KCNIP4: variants seen among roughly 807,000 people sequenced by gnomAD.
KCNIP4 encodes the protein potassium voltage-gated channel interacting protein 4.
KCNIP4 carries 12 observed loss-of-function variants against 34.0 expected under a neutral mutation model. The ratio of observed to expected loss-of-function variants is 0.35; its 90% CI spans 0.23 to 0.57. The LOEUF is 0.57. Among genes scored for constraint, KCNIP4 ranks in the 20% least tolerant of loss-of-function variants. The pLI, the probability that KCNIP4 is intolerant of heterozygous loss-of-function variation, is 0.83. For missense variants in KCNIP4, 238 were observed against 311.7 expected (o/e 0.76, Z 1.78); for synonymous variants, 124 against 102.2 (o/e 1.21, Z -1.29).
chr4:21,300,601 G>A (rs546566702), intron 1 of KCNIP4, among the ~76,000 whole-genome samples: 28 of 152,148 alleles, frequency 1.8e-4, no homozygotes, highest in Admixed American at 4.6e-4. Flanking sequence ...TTCGAGAAAC[G>A]GTATCATGAG....
intron 1 of KCNIP4, among the ~76,000 whole-genome samples, chr4:21,869,247 A>G (rs542026665): frequency 6.6e-6 from 1 of 152,090 alleles, no homozygotes; most frequent in South Asian, 2.1e-4. Context: ...TCTGTACACC[A>G]TCCTGTGGTC....
intron 1 of KCNIP4, among the ~76,000 whole-genome samples, chr4:21,463,623 G>T (rs1729665786): frequency 6.6e-6 from 1 of 151,908 alleles, no homozygotes; most frequent in South Asian, 2.1e-4. Flanking sequence ...GTATTTTATT[G>T]AGAAATTTTG....
chr4:21,813,637 G>C (rs997135238), intron 1 of KCNIP4, among the ~76,000 whole-genome samples: 3 of 152,060 alleles, frequency 2.0e-5, no homozygotes, highest in Non-Finnish European at 4.4e-5. Context: ...AAGAGAAACA[G>C]GCAAACTAAT....
chr4:21,427,200 G>T (rs898644428), intron 1 of KCNIP4, among the ~76,000 whole-genome samples: 2 of 151,694 alleles, frequency 1.3e-5, no homozygotes, highest in Non-Finnish European at 2.9e-5. Context: ...TTTAGAAAAA[G>T]GTATGATTTA....
At chr4:21,598,231 T>A (rs981514639) in intron 1 of KCNIP4, among the ~76,000 whole-genome samples, 2 of 152,266 alleles carry the variant, frequency 1.3e-5, no homozygotes, top group South Asian at 2.1e-4. Flanking sequence ...GCATTGGGGA[T>A]AATTGAGTTT....
intron 1 of KCNIP4, among the ~76,000 whole-genome samples, chr4:21,825,362 T>C (rs1446706684): frequency 1.3e-5 from 2 of 152,182 alleles, no homozygotes; most frequent in African/African-American, 4.8e-5. Context: ...TGTTGAAAAT[T>C]TAAGTTTACC....
chr4:21,364,203 T>G (rs897813676), intron 1 of KCNIP4, among the ~76,000 whole-genome samples: 4 of 152,282 alleles, frequency 2.6e-5, no homozygotes, highest in South Asian at 2.1e-4. Context: ...AACCATATTA[T>G]TTTCTTTTTT....
intron 1 of KCNIP4, among the ~76,000 whole-genome samples, chr4:21,686,034 T>C (rs1750779496): frequency 6.6e-6 from 1 of 152,238 alleles, no homozygotes; most frequent in African/African-American, 2.4e-5. Context: ...CTTTTGACTT[T>C]TGTTTGGCTC....
In KCNIP4 at chr4:20,949,150, G is replaced by A. The variant is rs80109534; in HGVS notation, c.62-66441C>T. ...GAATAAGTGAGAGTACGGTAACAGC[G>A]ACTGCTCGCATGAGAGGGAGAGGCT... On this transcript the variant is annotated intron_variant, in intron 1 of 8. Transcript: ENST00000382152. Among the ~76,000 whole-genome samples, 209 of 152,240 alleles carry A rather than the reference G, an allele frequency of 1.4e-3. 4 individuals are homozygous for A. In the East Asian group the frequency reaches 0.024, roughly 17 times the overall value.
intron 1 of KCNIP4, among the ~76,000 whole-genome samples, chr4:21,550,008 G>C (rs1033823390): frequency 6.6e-6 from 1 of 152,088 alleles, no homozygotes; most frequent in African/African-American, 2.4e-5. Flanking sequence ...TGTCAGATAA[G>C]GTCCAGCTAC....
At chr4:21,455,662 A>G (rs1273331786) in intron 1 of KCNIP4, among the ~76,000 whole-genome samples, 1 of 150,100 alleles carries the variant, frequency 6.7e-6, no homozygotes, top group Non-Finnish European at 1.5e-5. Flanking sequence ...TAGGAATTGA[A>G]CCAAGATTTT....
chr4:21,801,849 TAGAC>T (rs1285464266), intron 1 of KCNIP4, among the ~76,000 whole-genome samples: 11 of 151,620 alleles, frequency 7.3e-5, no homozygotes, highest in African/African-American at 1.5e-4. Flanking sequence ...AGTGGCCTCT[TAGAC>T]AGTGCCATAA....
intron 1 of KCNIP4, among the ~76,000 whole-genome samples, chr4:20,917,528 C>T (rs909915731): frequency 6.6e-6 from 1 of 152,106 alleles, no homozygotes; most frequent in Non-Finnish European, 1.5e-5. Flanking sequence ...AAAGTGGGTA[C>T]CTCATTCACA....
chr4:20,855,985 G>A (rs570376259), intron 2 of KCNIP4, among the ~76,000 whole-genome samples: 1 of 152,098 alleles, frequency 6.6e-6, no homozygotes, highest in Admixed American at 6.6e-5. Context: ...AGGCACCTAG[G>A]CATTAACAAA....
intron 3 of KCNIP4, among the ~76,000 whole-genome samples, chr4:20,784,604 A>G (rs1711690548): frequency 6.6e-6 from 1 of 151,676 alleles, no homozygotes; most frequent in South Asian, 2.1e-4. Flanking sequence ...TGCCTCCCTC[A>G]TTTTTCCTAC....
At chr4:21,315,120 C>A (rs1380969996) in intron 1 of KCNIP4, among the ~76,000 whole-genome samples, 1 of 152,130 alleles carries the variant, frequency 6.6e-6, no homozygotes, top group African/African-American at 2.4e-5. Context: ...ACCTATACAA[C>A]ACAGATAGTA....
intron 1 of KCNIP4, among the ~76,000 whole-genome samples, chr4:20,903,029 G>A (rs1220503787): frequency 6.6e-6 from 1 of 152,122 alleles, no homozygotes; most frequent in Non-Finnish European, 1.5e-5. Flanking sequence ...TATATGTGGT[G>A]TGCAATTTAA....
chr4:21,947,222 A>G (rs1241996177), intron 1 of KCNIP4, among the ~76,000 whole-genome samples: 3 of 152,192 alleles, frequency 2.0e-5, no homozygotes, highest in Admixed American at 6.5e-5. Flanking sequence ...TCAGCCCTCT[A>G]CATTAAACAC....
At chr4:20,940,871 G>T (rs567147009) in intron 1 of KCNIP4, among the ~76,000 whole-genome samples, 1 of 152,272 alleles carries the variant, frequency 6.6e-6, no homozygotes, top group Non-Finnish European at 1.5e-5. Context: ...CTGTAAGAAG[G>T]TAGAGAAAGA....
Sources: gnomAD v4.1 joint callset for allele counts (sites outside exome capture counted in the v4.1 genomes callset) on GRCh38, gnomAD v4.1.1 for gene constraint, MANE v1.5 for transcripts, NCBI Gene and HGNC (gene_info 2026-07-23, HGNC 2026-07-21) for gene names.